The following ASTN2 variants were observed in gnomAD, a reference collection of about 807,000 sequenced individuals.
ASTN2 encodes the protein astrotactin 2.
In ASTN2, 54 loss-of-function variants were observed where a neutral mutation model predicts 139.8. The observed-to-expected ratio is 0.39, with a 90% CI of 0.31 to 0.48. ASTN2 has a LOEUF of 0.48. Among genes scored for constraint, ASTN2 ranks in the 20% least tolerant of loss-of-function variants. The probability of loss-of-function intolerance (pLI) is 0.95; values close to 1 mark genes in which losing one functional copy is unlikely to be tolerated. For synonymous variants in ASTN2, 756 were observed against 719.5 expected (o/e 1.05, Z -0.81); for missense variants, 1,565 against 1,725.1 (o/e 0.91, Z 1.64).
chr9:116,675,978 G>T (rs1390614385), intron 16 of ASTN2, among the ~76,000 whole-genome samples: 1 of 152,096 alleles, frequency 6.6e-6, no homozygotes, highest in Non-Finnish European at 1.5e-5. Context: ...TATTTTGCTG[G>T]GATGAAAAAT....
At chr9:117,261,488 G>A (rs1833821611) in intron 2 of ASTN2, among the ~76,000 whole-genome samples, 1 of 152,108 alleles carries the variant, frequency 6.6e-6, no homozygotes, top group Non-Finnish European at 1.5e-5. Context: ...TTCACCAGGT[G>A]TTATCTCTAT....
At chr9:117,233,230 C>T (rs1475115552) in intron 2 of ASTN2, among the ~76,000 whole-genome samples, 1 of 152,148 alleles carries the variant, frequency 6.6e-6, no homozygotes, top group South Asian at 2.1e-4. Context: ...TTCCCCCAAG[C>T]GAGCATGTGT....
At chr9:117,042,945 A>G (rs1420679395) in intron 5 of ASTN2, among the ~76,000 whole-genome samples, 1 of 152,022 alleles carries the variant, frequency 6.6e-6, no homozygotes, top group African/African-American at 2.4e-5. Flanking sequence ...ATCTCAGCTC[A>G]TTGCAATTTC....
At chr9:116,469,263 G>A (rs986473880) in intron 20 of ASTN2, among the ~76,000 whole-genome samples, 3 of 152,008 alleles carry the variant, frequency 2.0e-5, no homozygotes, top group African/African-American at 7.2e-5. Context: ...AAGGCAGAAG[G>A]AAGTCATCCT....
intron 20 of ASTN2, among the ~76,000 whole-genome samples, chr9:116,471,332 G>A (rs1047132142): frequency 6.6e-6 from 1 of 152,098 alleles, no homozygotes; most frequent in Admixed American, 6.5e-5. Context: ...ACAGCTTCCC[G>A]GCCTTTCTTG....
intron 19 of ASTN2, among the ~76,000 whole-genome samples, chr9:116,607,796 T>C (rs1855292385): frequency 6.6e-6 from 1 of 151,312 alleles, no homozygotes; most frequent in African/African-American, 2.4e-5. Context: ...CCCGTCTCTA[T>C]TTAAAATACA....
rs547893204 is a variant in ASTN2 at position 117,185,548 on chromosome 9, GCA to G, written c.1015+28808_1015+28809del. Among the ~76,000 whole-genome samples, 386 of 152,318 alleles carry G rather than the reference GCA, an allele frequency of 2.5e-3. 2 individuals are homozygous for G. Among genetic ancestry groups the G allele is most frequent in the African/African-American group, 8.8e-3 (365 of 41,566 alleles). On this transcript the variant is annotated intron_variant, in intron 3 of 22. Transcript: ENST00000313400. ...CTGATAGGAACAGAGCTCTATATCT[GCA>G]CAGAGTCAGATAGTTCCAGATTAGC...
Position 116,612,082 on chromosome 9 carries a change from A to T in ASTN2, c.3355+6242T>A, listed in dbSNP as rs566873987. On this transcript the variant is annotated intron_variant, in intron 19 of 22. Transcript: ENST00000313400. ...AGATAAACTATACAATCATTTTAAT[A>T]GACACAGAAAATTCAACATCTGTTT... 3.9e-5 allele frequency: 6 copies of T among 152,282 alleles called. No homozygotes were observed. The South Asian group carries it at 1.2e-3, about 32-fold the overall frequency. 9.4% of individuals were successfully genotyped at this position (152,282 alleles called of 1,614,324 possible).
At position 116,820,784 on chromosome 9, in the gene ASTN2, C is replaced by T; in HGVS notation, c.2041-1G>A. Reference sequence around the variant, plus strand: ...TCATGGGTTTCAGCTCCTCAGGGCACTGCTCAGAGAGAGGGCAACAGGGTA... The same window carrying T: ...TCATGGGTTTCAGCTCCTCAGGGCATTGCTCAGAGAGAGGGCAACAGGGTA... On this transcript the variant is annotated splice_acceptor_variant, in intron 11 of 22. Coordinates refer to ENST00000313400, the MANE Select transcript of ASTN2 (RefSeq NM_001365068.1). LOFTEE classifies it high-confidence loss of function. The T allele has an allele frequency of 1.2e-6, 2 of 1,612,656 alleles. No individual in the cohort carries two copies. Among genetic ancestry groups the T allele is most frequent in the Non-Finnish European group, 8.5e-7 (1 of 1,179,090 alleles).
chr9:116,698,280 A>G lies in ASTN2; in HGVS notation c.2806+27491T>C, dbSNP rs1860983883. ...AGGTGTCTCCAAGGACCTTCAGGCA[A>G]GGTATAAAGCAGTTCTCCAGGAGTA... is the stretch of plus-strand genomic sequence containing the variant. On this transcript the variant is annotated intron_variant, in intron 16 of 22. Coordinates refer to ENST00000313400, the MANE Select transcript of ASTN2 (RefSeq NM_001365068.1). This position sits in a 1 kb window ranked among gnomAD's most constrained non-coding sequence, Gnocchi z 4.4. 6.2e-7 allele frequency: 1 copy of G among 1,614,158 alleles called. No homozygotes were observed. Among genetic ancestry groups the G allele is most frequent in the African/African-American group, 1.3e-5 (1 of 75,070 alleles).
chr9:116,550,259 G>A (rs1453844318), intron 19 of ASTN2, among the ~76,000 whole-genome samples: 1 of 152,178 alleles, frequency 6.6e-6, no homozygotes, highest in Non-Finnish European at 1.5e-5. Context: ...ACAGATCTGG[G>A]TTTCAATCTA....
chr9:116,533,384 C>T (rs941071447), intron 19 of ASTN2, among the ~76,000 whole-genome samples: 4 of 152,190 alleles, frequency 2.6e-5, no homozygotes, highest in African/African-American at 7.2e-5. Context: ...CTGGCCAGAA[C>T]TCCCAACGCT....
chr9:116,689,718 GGGGGTAAA>G (rs1860467823), intron 16 of ASTN2, among the ~76,000 whole-genome samples: 1 of 152,138 alleles, frequency 6.6e-6, no homozygotes, highest in African/African-American at 2.4e-5. Context: ...TCTAAAGTTG[GGGGGTAAA>G]TCTCTCTGAT....
chr9:116,810,339 G>A (rs1000663087), intron 12 of ASTN2, among the ~76,000 whole-genome samples: 2 of 152,172 alleles, frequency 1.3e-5, no homozygotes, highest in African/African-American at 4.8e-5. Flanking sequence ...GTTTATCGAA[G>A]TATGTTTTGG....
intron 19 of ASTN2, among the ~76,000 whole-genome samples, chr9:116,580,712 T>A (rs980408816): frequency 1.3e-5 from 2 of 152,192 alleles, no homozygotes; most frequent in Non-Finnish European, 2.9e-5. Context: ...AAATTAATCT[T>A]TTTTAAACCA....
intron 19 of ASTN2, among the ~76,000 whole-genome samples, chr9:116,596,231 CAA>C (rs1029155001): frequency 1.3e-5 from 2 of 152,090 alleles, no homozygotes; most frequent in African/African-American, 4.8e-5. Flanking sequence ...CTAAAATAGG[CAA>C]AGTCAAAGAA....
intron 10 of ASTN2, among the ~76,000 whole-genome samples, chr9:116,885,692 C>CA (rs908403611): frequency 1.8e-4 from 27 of 150,796 alleles, no homozygotes; most frequent in East Asian, 3.9e-4. Flanking sequence ...AACAAACAAA[C>CA]AAAAAAAAAC....
At chr9:117,056,484 A>G (rs371832994) in intron 5 of ASTN2, among the ~76,000 whole-genome samples, 1 of 152,218 alleles carries the variant, frequency 6.6e-6, no homozygotes, top group East Asian at 1.9e-4. Context: ...AAGGAGCCAC[A>G]GAGAGACAAG....
intron 11 of ASTN2, among the ~76,000 whole-genome samples, chr9:116,822,456 A>T (rs1346404132): frequency 6.6e-6 from 1 of 152,218 alleles, no homozygotes; most frequent in Admixed American, 6.5e-5. Flanking sequence ...TTGTCTCTGA[A>T]CATTCACTGT....
Sources: allele counts gnomAD v4.1 joint callset (sites outside exome capture counted in the v4.1 genomes callset), GRCh38; gene constraint gnomAD v4.1.1; non-coding constraint Gnocchi (gnomAD v3.1); transcripts MANE v1.5; gene names NCBI Gene and HGNC (gene_info 2026-07-23, HGNC 2026-07-21).